NR1H4: variants seen among roughly 807,000 people sequenced by gnomAD.
NR1H4 encodes the protein nuclear receptor subfamily 1 group H member 4.
NR1H4 carries 23 observed loss-of-function variants against 58.5 expected under a neutral mutation model. The ratio of observed to expected loss-of-function variants is 0.39; its 90% CI spans 0.28 to 0.56. The LOEUF (loss-of-function observed/expected upper bound fraction) is 0.56. Among genes scored for constraint, NR1H4 ranks in the 20% least tolerant of loss-of-function variants. The pLI is 0.58. For synonymous variants in NR1H4, 214 were observed against 198.0 expected (o/e 1.08, Z -0.68); for missense variants, 487 against 576.9 (o/e 0.84, Z 1.60).
intron 9 of NR1H4, among the ~76,000 whole-genome samples, chr12:100,549,316 C>T (rs1338154420): frequency 2.0e-5 from 3 of 152,074 alleles, no homozygotes; most frequent in Non-Finnish European, 4.4e-5. Flanking sequence ...CCAGCCTGGG[C>T]AACAGAGTGA....
intron 4 of NR1H4, among the ~76,000 whole-genome samples, chr12:100,525,771 T>A (rs1289914234): frequency 7.2e-5 from 11 of 152,234 alleles, no homozygotes; most frequent in Admixed American, 3.3e-4. Context: ...GGCCTGTTGC[T>A]TTCTGTTTTA....
intron 1 of NR1H4, among the ~76,000 whole-genome samples, chr12:100,488,001 CCTTT>C (rs138028058): frequency 0.012 from 1,796 of 151,828 alleles, 39 homozygotes; most frequent in African/African-American, 0.041. Context: ...ATGTTGTTTT[CCTTT>C]CTTTCTTTTC....
intron 3 of NR1H4, among the ~76,000 whole-genome samples, chr12:100,504,393 G>A (rs7956050): frequency 0.031 from 4,781 of 152,218 alleles, 113 homozygotes; most frequent in Non-Finnish European, 0.051. Context: ...AAAAGTGACC[G>A]ACACTGTATT....
intron 1 of NR1H4, among the ~76,000 whole-genome samples, chr12:100,485,042 A>G (rs1953461600): frequency 6.6e-6 from 1 of 152,198 alleles, no homozygotes. Flanking sequence ...TAATATAATC[A>G]ACTTCCTTGT....
intron 4 of NR1H4, among the ~76,000 whole-genome samples, chr12:100,531,808 G>A (rs11110412): frequency 2.2e-4 from 34 of 152,148 alleles, no homozygotes; most frequent in African/African-American, 7.5e-4. Flanking sequence ...TACCTTCTCG[G>A]GGGAGATGGT....
chr12:100,511,626 CAA>C (rs1337531729), intron 4 of NR1H4, among the ~76,000 whole-genome samples: 1 of 151,120 alleles, frequency 6.6e-6, no homozygotes, highest in Non-Finnish European at 1.5e-5. Flanking sequence ...GCTTATATTA[CAA>C]AAAAATATTT....
chr12:100,522,178 ATGATGG>A (rs1342892552), intron 4 of NR1H4, among the ~76,000 whole-genome samples: 1 of 151,730 alleles, frequency 6.6e-6, no homozygotes, highest in East Asian at 1.9e-4. Context: ...GATAATGATG[ATGATGG>A]TGATGGTGAT....
chr12:100,510,743 A>G (rs1165536276), intron 3 of NR1H4, 35 bp from the exon 4 acceptor site: 2 of 1,612,420 alleles, frequency 1.2e-6, no homozygotes, highest in African/African-American at 1.3e-5. Flanking sequence ...CAGAATGATG[A>G]CATTCATTCC....
chr12:100,515,520 C>T (rs979577585), intron 4 of NR1H4, among the ~76,000 whole-genome samples: 6 of 151,980 alleles, frequency 3.9e-5, no homozygotes. Context: ...CTAATGGGCA[C>T]AAACAAAACT....
intron 4 of NR1H4, among the ~76,000 whole-genome samples, chr12:100,513,866 A>AAGGG (rs1954195062): frequency 7.0e-6 from 1 of 143,428 alleles, no homozygotes; most frequent in African/African-American, 2.6e-5. Context: ...GGAAGGAAGG[A>AAGGG]AGGAAAAAAT....
At chr12:100,504,783 G>C (rs59540689) in intron 3 of NR1H4, among the ~76,000 whole-genome samples, 1 of 152,198 alleles carries the variant, frequency 6.6e-6, no homozygotes, top group Non-Finnish European at 1.5e-5. Context: ...AGATTTGTCT[G>C]CTCAGAGGGC....
intron 9 of NR1H4, among the ~76,000 whole-genome samples, chr12:100,550,284 TAA>T (rs1472490999): frequency 6.6e-6 from 1 of 152,166 alleles, no homozygotes; most frequent in African/African-American, 2.4e-5. Context: ...GAATTGTTAA[TAA>T]AAATAGGAAT....
chr12:100,515,714 T>C (rs1405427644), intron 4 of NR1H4, among the ~76,000 whole-genome samples: 1 of 152,224 alleles, frequency 6.6e-6, no homozygotes, highest in Non-Finnish European at 1.5e-5. Flanking sequence ...GTTATTATTG[T>C]TATGGTCCTA....
At chr12:100,550,347 A>G (rs1287335660) in intron 9 of NR1H4, among the ~76,000 whole-genome samples, 1 of 152,000 alleles carries the variant, frequency 6.6e-6, no homozygotes, top group Non-Finnish European at 1.5e-5. Context: ...CTAACACTGA[A>G]TGAGTTTATA....
At chr12:100,563,149 C>T (rs1955512420) in intron 10 of NR1H4, 102 bp from the exon 11 acceptor site, 1 of 908,640 alleles carries the variant, frequency 1.1e-6, no homozygotes, top group Non-Finnish European at 1.8e-6. Context: ...TTGTGTACAA[C>T]ATTTAACTTA....
chr12:100,488,040 T>C (rs1455591935), intron 1 of NR1H4, among the ~76,000 whole-genome samples: 1 of 152,088 alleles, frequency 6.6e-6, no homozygotes, highest in Non-Finnish European at 1.5e-5. Flanking sequence ...TCTCACTCTG[T>C]TTCCCAGGTT....
intron 1 of NR1H4, among the ~76,000 whole-genome samples, chr12:100,478,067 C>T (rs980548351): frequency 2.6e-5 from 4 of 152,050 alleles, no homozygotes; most frequent in African/African-American, 9.6e-5. Flanking sequence ...AAGATTGAGC[C>T]CTAATGTAAA....
intron 4 of NR1H4, 151 bp downstream of exon 4, chr12:100,511,294 T>C (rs1428188729): frequency 4.4e-6 from 4 of 912,470 alleles, no homozygotes; most frequent in Non-Finnish European, 5.3e-6. Flanking sequence ...CTTTGTTGTG[T>C]AGTCAAAGAT....
At chr12:100,514,664 G>A (rs1028023396) in intron 4 of NR1H4, among the ~76,000 whole-genome samples, 1 of 152,094 alleles carries the variant, frequency 6.6e-6, no homozygotes, top group Non-Finnish European at 1.5e-5. Context: ...TCAGTGAAAA[G>A]TATAATATAG....
Sources: allele counts gnomAD v4.1 joint callset (sites outside exome capture counted in the v4.1 genomes callset), GRCh38; gene constraint gnomAD v4.1.1; transcripts MANE v1.5; gene names NCBI Gene and HGNC (gene_info 2026-07-23, HGNC 2026-07-21).